LRRIQ3: variants seen among roughly 807,000 people sequenced by gnomAD.
The protein encoded by LRRIQ3 is leucine rich repeats and IQ motif containing 3.
LRRIQ3 carries 75 observed loss-of-function variants against 59.3 expected under a neutral mutation model. The ratio of observed to expected loss-of-function variants is 1.26; its 90% CI spans 1.05 to 1.53. LRRIQ3 has a LOEUF of 1.53. Ranked by LOEUF, LRRIQ3 falls within the 40% of genes most tolerant of loss-of-function variation. The pLI is 0.00. For missense variants in LRRIQ3, 831 were observed against 710.0 expected (o/e 1.17, Z -1.94); for synonymous variants, 250 against 231.3 (o/e 1.08, Z -0.73).
At chr1:74,105,984 T>A (rs1646606782) in intron 5 of LRRIQ3, among the ~76,000 whole-genome samples, 1 of 151,940 alleles carries the variant, frequency 6.6e-6, no homozygotes, top group Non-Finnish European at 1.5e-5. Context: ...ATGTTAGAAG[T>A]GGTTCCGAGT....
At chr1:74,197,282 T>C (rs2100755517) in intron 1 of LRRIQ3, among the ~76,000 whole-genome samples, 1 of 152,334 alleles carries the variant, frequency 6.6e-6, no homozygotes, top group African/African-American at 2.4e-5. Flanking sequence ...AGAAATCGTC[T>C]CAAAAAATCA....
At position 74,041,354 on chromosome 1, in the gene LRRIQ3, G is replaced by A. The variant is rs1035790843; in HGVS notation, c.1577C>T (p.Thr526Ile). The change falls in exon 7 of 8, where the codon ACT becomes ATT. Residue 526 changes from threonine (T) to isoleucine (I), a missense_variant. Transcript: ENST00000354431. Reference sequence around the variant, plus strand: ...TTTAAGTAGTCCTCTGGTCAAAAGAGTGCGCTCATTATTTAAGTTTTGAAC... The same window carrying A: ...TTTAAGTAGTCCTCTGGTCAAAAGAATGCGCTCATTATTTAAGTTTTGAAC... Reference protein sequence around the residue: ...LLVQNLNNERTLLTRGLLKID... With the variant: ...LLVQNLNNERILLTRGLLKID... The A allele has an allele frequency of 6.2e-7, 1 of 1,613,744 alleles. No homozygotes were observed. The highest frequency in any genetic ancestry group is 8.5e-7 in the Non-Finnish European group (1 of 1,179,912).
intron 6 of LRRIQ3, among the ~76,000 whole-genome samples, chr1:74,058,207 C>A (rs1345656192): frequency 6.6e-6 from 1 of 152,062 alleles, no homozygotes; most frequent in Non-Finnish European, 1.5e-5. Context: ...TATGATCCAG[C>A]AGTTCCACTA....
intron 5 of LRRIQ3, among the ~76,000 whole-genome samples, chr1:74,100,603 A>T (rs967164718): frequency 6.6e-6 from 1 of 152,228 alleles, no homozygotes; most frequent in Non-Finnish European, 1.5e-5. Context: ...TTGCCAAGAC[A>T]ATCCTAAGCC....
chr1:74,035,799 T>C (rs1302600506), intron 7 of LRRIQ3, among the ~76,000 whole-genome samples: 3 of 152,118 alleles, frequency 2.0e-5, no homozygotes, highest in Non-Finnish European at 4.4e-5. Flanking sequence ...CTTTCTGCTA[T>C]AGGTACAGGA....
intron 4 of LRRIQ3, among the ~76,000 whole-genome samples, chr1:74,109,979 C>G (rs1557620040): frequency 6.6e-6 from 1 of 151,560 alleles, no homozygotes; most frequent in African/African-American, 2.4e-5. Context: ...TCATTACAAA[C>G]TAGGAAATAT....
At chr1:74,178,163 G>C (rs1159599646) in intron 3 of LRRIQ3, among the ~76,000 whole-genome samples, 1 of 151,744 alleles carries the variant, frequency 6.6e-6, no homozygotes, top group African/African-American at 2.4e-5. Context: ...ATGTTCATCT[G>C]TTCACCATTA....
chr1:74,103,707 C>A (rs934180406), intron 5 of LRRIQ3, among the ~76,000 whole-genome samples: 13 of 151,092 alleles, frequency 8.6e-5, no homozygotes, highest in Non-Finnish European at 1.8e-4. Context: ...TTCTGTTGAA[C>A]AAGATAAAAA....
chr1:74,168,416 C>T (rs1205240728), intron 3 of LRRIQ3, among the ~76,000 whole-genome samples: 1 of 151,986 alleles, frequency 6.6e-6, no homozygotes, highest in Non-Finnish European at 1.5e-5. Context: ...CTACTTTTAA[C>T]TAATTTTTGT....
chr1:74,034,573 C>CT (rs1197922039), intron 7 of LRRIQ3, among the ~76,000 whole-genome samples: 1 of 151,512 alleles, frequency 6.6e-6, no homozygotes, highest in Non-Finnish European at 1.5e-5. Flanking sequence ...CTTTCATTTT[C>CT]TTTTCCAAAA....
chr1:74,121,275 G>A (rs2100586494), intron 4 of LRRIQ3, among the ~76,000 whole-genome samples: 1 of 152,100 alleles, frequency 6.6e-6, no homozygotes, highest in South Asian at 2.1e-4. Flanking sequence ...TTCTTATTTT[G>A]GCAGATAAGT....
chr1:74,103,968 C>T (rs1006366146), intron 5 of LRRIQ3, among the ~76,000 whole-genome samples: 5 of 151,910 alleles, frequency 3.3e-5, no homozygotes, highest in African/African-American at 9.7e-5. Context: ...TCCTGTGCTA[C>T]GCAATGCAAT....
chr1:74,186,273 ATTGT>A (rs1022545232), intron 1 of LRRIQ3, among the ~76,000 whole-genome samples: 7 of 152,036 alleles, frequency 4.6e-5, no homozygotes, highest in African/African-American at 9.6e-5. Flanking sequence ...ACCAGGAATA[ATTGT>A]TTATTTTAAA....
intron 6 of LRRIQ3, among the ~76,000 whole-genome samples, chr1:74,059,586 G>A (rs969864665): frequency 4.6e-5 from 7 of 151,984 alleles, no homozygotes; most frequent in African/African-American, 7.2e-5. Flanking sequence ...TTTTCACATT[G>A]TCTTAATTAC....
chr1:74,055,194 A>C (rs1274436587), intron 6 of LRRIQ3, among the ~76,000 whole-genome samples: 2 of 146,750 alleles, frequency 1.4e-5, no homozygotes, highest in African/African-American at 5.0e-5. Flanking sequence ...ATATATATAT[A>C]TATATATATA....
intron 3 of LRRIQ3, among the ~76,000 whole-genome samples, chr1:74,175,394 C>T (rs1649579839): frequency 6.6e-6 from 1 of 151,920 alleles, no homozygotes; most frequent in South Asian, 2.1e-4. Flanking sequence ...GCTAATTCTC[C>T]CATATTCTGA....
At chr1:74,077,105 A>C (rs980727137) in intron 5 of LRRIQ3, among the ~76,000 whole-genome samples, 1 of 152,082 alleles carries the variant, frequency 6.6e-6, no homozygotes, top group Non-Finnish European at 1.5e-5. Flanking sequence ...ATGACAAAAT[A>C]CAATGTGTGG....
Position 74,186,971 on chromosome 1 carries a change from C to T in LRRIQ3, c.1-3287G>A, listed in dbSNP as rs902948746. 2.6e-5 allele frequency among the ~76,000 whole-genome samples: 4 copies of T among 151,758 alleles called. No individual in the cohort carries two copies. In the East Asian group the frequency reaches 7.7e-4, roughly 29 times the overall value. ...AGCAAGAAAAAAAATCACTAATCAT[C>T]AGGGAAATGTAAATTAAAACCTTAC... On this transcript the variant is annotated intron_variant, in intron 1 of 7. Coordinates refer to ENST00000354431, the MANE Select transcript of LRRIQ3 (RefSeq NM_001105659.2).
At chr1:74,130,726 G>T (rs1647002768) in intron 4 of LRRIQ3, among the ~76,000 whole-genome samples, 1 of 152,048 alleles carries the variant, frequency 6.6e-6, no homozygotes, top group South Asian at 2.1e-4. Context: ...CTTTTAAGAG[G>T]TATTGTTGTT....
Sources: gnomAD v4.1 joint callset for allele counts (sites outside exome capture counted in the v4.1 genomes callset) on GRCh38, gnomAD v4.1.1 for gene constraint, MANE v1.5 for transcripts, NCBI Gene and HGNC (gene_info 2026-07-23, HGNC 2026-07-21) for gene names.